The following VCL variants were observed in gnomAD, a reference collection of about 807,000 sequenced individuals.
VCL encodes the protein epididymis luminal protein 114.
A neutral mutation model predicts 125.7 loss-of-function variants in VCL; 47 were observed. The observed-to-expected ratio is 0.37, with a 90% confidence interval of 0.30 to 0.48. The LOEUF is 0.48. Among genes scored for constraint, VCL ranks in the 20% least tolerant of loss-of-function variants. The probability of loss-of-function intolerance (pLI) is 0.99; values close to 1 mark genes in which losing one functional copy is unlikely to be tolerated. For synonymous variants in VCL, 458 were observed against 514.6 expected, an observed-to-expected ratio of 0.89 and a Z score of 1.49; for missense variants, 1,069 against 1,455.5, an observed-to-expected ratio of 0.73 and a Z score of 4.32.
intron 13 of VCL, among the ~76,000 whole-genome samples, chr10:74,098,295 C>T (rs558006297): frequency 1.3e-5 from 2 of 152,338 alleles, no homozygotes; most frequent in African/African-American, 4.8e-5. Context: ...TAAGATAACA[C>T]CACCACCCCA....
In VCL at chr10:74,095,751, C is replaced by T. The variant is rs397517234; in HGVS notation, c.1639C>T (p.Arg547Ter). The T allele has an allele frequency of 2.5e-6, 4 of 1,614,170 alleles. No homozygotes were observed. The highest frequency in any genetic ancestry group is 3.4e-6 in the Non-Finnish European group (4 of 1,180,040). The stretch of plus-strand genomic sequence containing the variant: ...GCAAGATCTTCTCGCCAAGTGTGAC[C>T]GAGTGGACCAGCTGACAGCCCAGCT... ...YRQDLLAKCD[R>*]VDQLTAQLAD... The change falls in exon 12 of 22, where the codon CGA becomes TGA. Residue 547 changes from arginine (R) to a stop codon, truncating the protein, a stop_gained. Transcript: ENST00000211998. LOFTEE classifies it high-confidence loss of function.
chr10:74,099,846 C>A (rs535535184), intron 13 of VCL, among the ~76,000 whole-genome samples: 1 of 152,270 alleles, frequency 6.6e-6, no homozygotes, highest in African/African-American at 2.4e-5. Flanking sequence ...CATTAAATGG[C>A]AGGAACCCAT....
chr10:74,117,877 T>A, intron 21 of VCL, 146 bp from the exon 22 acceptor site: 1 of 1,195,722 alleles, frequency 8.4e-7, no homozygotes, highest in South Asian at 1.2e-5. Flanking sequence ...TTTGGTGATC[T>A]GGGAAAACCC....
At chr10:74,009,546 A>G (rs1439090946) in intron 1 of VCL, among the ~76,000 whole-genome samples, 1 of 152,080 alleles carries the variant, frequency 6.6e-6, no homozygotes, top group East Asian at 1.9e-4. Flanking sequence ...GGCATGAGCC[A>G]CCGCGCCCGG....
chr10:74,084,914 ATTT>A (rs1839744838), intron 8 of VCL, among the ~76,000 whole-genome samples: 1 of 151,868 alleles, frequency 6.6e-6, no homozygotes, highest in South Asian at 2.1e-4. Context: ...GCCCGGCCAA[ATTT>A]TTTATTTTTA....
chr10:74,070,315 G>A (rs59698250), intron 2 of VCL, among the ~76,000 whole-genome samples: 9,476 of 152,164 alleles, frequency 0.062, 1,010 homozygotes, highest in African/African-American at 0.21. Context: ...CAAAGGCATT[G>A]CAGAGATAGA....
At chr10:74,099,163 C>T (rs907322538) in intron 13 of VCL, among the ~76,000 whole-genome samples, 1 of 152,190 alleles carries the variant, frequency 6.6e-6, no homozygotes, top group Non-Finnish European at 1.5e-5. Context: ...TGACATTCTC[C>T]TGCTTAAACC....
rs1840344589 is a variant in VCL, at chr10:74,118,428, G to A, written c.*259G>A. The A allele has an allele frequency of 4.0e-6, 2 of 494,712 alleles. No homozygotes were observed. Among genetic ancestry groups the A allele is most frequent in the Non-Finnish European group, 7.3e-6 (2 of 272,246 alleles). 30.6% of individuals were successfully genotyped at this position (494,712 alleles called of 1,614,324 possible). Reference sequence around the variant, plus strand: ...CACCCTCTATCCCAATAGGCAGACTGGGTTTCTAGCCCATGGACTTCACAT... The same window carrying A: ...CACCCTCTATCCCAATAGGCAGACTAGGTTTCTAGCCCATGGACTTCACAT... On this transcript the variant is annotated 3_prime_UTR_variant, in exon 22 of 22. Coordinates refer to ENST00000211998, the MANE Select transcript of VCL (RefSeq NM_014000.3).
rs773725513 is a variant in VCL at position 74,072,812 on chromosome 10, G to T, written c.582G>T (p.Ser194=). 1 of 1,614,146 alleles carries T rather than the reference G, an allele frequency of 6.2e-7. No homozygotes were observed. Among genetic ancestry groups the T allele is most frequent in the Non-Finnish European group, 8.5e-7 (1 of 1,180,014 alleles). The change falls in exon 5 of 22, where the codon TCG becomes TCT. Residue 194 remains serine, a synonymous_variant. Coordinates refer to ENST00000211998, the MANE Select transcript of VCL (RefSeq NM_014000.3). ...AGCACCGAGTGATGTTGGTGAACTCGATGAACACCGTGAAAGAGTTGCTGC... is the reference window on the plus strand; with the variant it reads ...AGCACCGAGTGATGTTGGTGAACTCTATGAACACCGTGAAAGAGTTGCTGC... ...HQEHRVMLVN[S]MNTVKELLPV...
At chr10:74,043,197 T>G (rs1449517350) in intron 2 of VCL, 44 bp downstream of exon 2, 2 of 1,542,304 alleles carry the variant, frequency 1.3e-6, no homozygotes, top group African/African-American at 2.7e-5. Context: ...AGAATAATAC[T>G]CTTGTTAGGA....
intron 18 of VCL, 83 bp downstream of exon 18, chr10:74,109,239 C>CT: frequency 3.2e-6 from 5 of 1,538,692 alleles, no homozygotes; most frequent in Non-Finnish European, 4.5e-6. Flanking sequence ...AAAGAAGAGT[C>CT]TATTTGGAGT....
chr10:74,109,728 A>G (rs1366485765), intron 18 of VCL, among the ~76,000 whole-genome samples: 1 of 152,118 alleles, frequency 6.6e-6, no homozygotes, highest in East Asian at 1.9e-4. Flanking sequence ...TGGTTGGTAA[A>G]AATATGGATG....
intron 2 of VCL, among the ~76,000 whole-genome samples, chr10:74,065,156 A>G (rs958510693): frequency 5.0e-5 from 7 of 140,166 alleles, no homozygotes; most frequent in African/African-American, 2.0e-4. Flanking sequence ...TTTTTTTTTC[A>G]GACTGAGTCT....
chr10:73,999,184 T>G (rs1565629240), intron 1 of VCL, among the ~76,000 whole-genome samples: 1 of 152,142 alleles, frequency 6.6e-6, no homozygotes, highest in African/African-American at 2.4e-5. Flanking sequence ...CTTTCTAGAC[T>G]CGGGGGCCCT....
At position 73,998,393 on chromosome 10, in the gene VCL, G is replaced by T; in HGVS notation, c.168+18G>T. On this transcript the variant is annotated intron_variant, in intron 1 of 21. Transcript: ENST00000211998. ...TCGTCCGGGTGAGCGCGCAGGGCCT[G>T]GCGCGGGAGCGGGCGCGGGAGGTAT... 6.8e-7 allele frequency: 1 copy of T among 1,464,120 alleles called. No individual in the cohort carries two copies. 90.7% of individuals were successfully genotyped at this position (1,464,120 alleles called of 1,614,324 possible).
intron 1 of VCL, among the ~76,000 whole-genome samples, chr10:74,035,915 TTTATA>T (rs973253469): frequency 3.9e-5 from 6 of 152,214 alleles, no homozygotes; most frequent in African/African-American, 4.8e-5. Flanking sequence ...GTACATAGCA[TTTATA>T]TTATATTAGG....
At chr10:74,005,309 C>T (rs192150124) in intron 1 of VCL, 2 of 152,144 alleles carry the variant, frequency 1.3e-5, no homozygotes, top group East Asian at 1.9e-4. Flanking sequence ...GGCTGGAGTG[C>T]AGTGGTGCGA....
intron 10 of VCL, among the ~76,000 whole-genome samples, chr10:74,090,620 A>G (rs1181860370): frequency 6.6e-6 from 1 of 152,102 alleles, no homozygotes; most frequent in Non-Finnish European, 1.5e-5. Context: ...GTAAGAATGT[A>G]CTTTCCTCCT....
In VCL at chr10:74,095,343, C is replaced by G. The variant is rs562559458; in HGVS notation, c.1544-313C>G. ...CGGTGGCTCATCCCTGTAATCCCAGCACTTTGGGAGGCCGAGGTGGGTGGA... is the reference window on the plus strand; with the variant it reads ...CGGTGGCTCATCCCTGTAATCCCAGGACTTTGGGAGGCCGAGGTGGGTGGA... On this transcript the variant is annotated intron_variant, in intron 11 of 21. Coordinates refer to ENST00000211998, the MANE Select transcript of VCL (RefSeq NM_014000.3). Among the ~76,000 whole-genome samples the G allele has an allele frequency of 3.9e-5, 6 of 152,216 alleles. No homozygotes were observed. In the South Asian group the frequency reaches 1.2e-3, roughly 32 times the overall value.
Sources: gnomAD v4.1 joint callset for allele counts (sites outside exome capture counted in the v4.1 genomes callset) on GRCh38, gnomAD v4.1.1 for gene constraint, MANE v1.5 for transcripts, NCBI Gene and HGNC (gene_info 2026-07-23, HGNC 2026-07-21) for gene names.